The following SUMF1 variants were observed in gnomAD, a reference collection of about 807,000 sequenced individuals.
The protein encoded by SUMF1 is sulfatase modifying factor 1, also known as formylglycine-generating enzyme.
In SUMF1, 48 loss-of-function variants were observed where a neutral mutation model predicts 47.6. That is an observed-to-expected ratio of 1.01 (90% CI 0.80 to 1.28). SUMF1 has a LOEUF of 1.28. Ranked by LOEUF, SUMF1 falls within the 50% of genes most tolerant of loss-of-function variation. The pLI is 0.00. For synonymous variants in SUMF1, 230 were observed against 192.1 expected (o/e 1.20, Z -1.63); for missense variants, 571 against 485.4 (o/e 1.18, Z -1.66).
chr3:4,221,896 A>G (rs1696072527), intron 8 of SUMF1, among the ~76,000 whole-genome samples: 1 of 152,116 alleles, frequency 6.6e-6, no homozygotes, highest in African/African-American at 2.4e-5. Context: ...GCTGGGGGGT[A>G]GAATTGTGAT....
intron 8 of SUMF1, among the ~76,000 whole-genome samples, chr3:4,370,496 T>G (rs563369325): frequency 6.6e-6 from 1 of 152,294 alleles, no homozygotes; most frequent in East Asian, 1.9e-4. Context: ...TTAAATTATA[T>G]CAGAAACTAT....
At chr3:4,369,158 G>A (rs996284608) in intron 8 of SUMF1, among the ~76,000 whole-genome samples, 12 of 151,826 alleles carry the variant, frequency 7.9e-5, no homozygotes, top group African/African-American at 2.9e-4. Flanking sequence ...CACTTCTACT[G>A]TAAAAATAAA....
At chr3:4,388,856 G>A (rs1204081750) in intron 7 of SUMF1, among the ~76,000 whole-genome samples, 1 of 152,016 alleles carries the variant, frequency 6.6e-6, no homozygotes, top group Non-Finnish European at 1.5e-5. Flanking sequence ...TTCCAGTGAA[G>A]CATCAAAACC....
chr3:4,254,036 A>T (rs1696881406), intron 8 of SUMF1, among the ~76,000 whole-genome samples: 1 of 151,124 alleles, frequency 6.6e-6, no homozygotes, highest in African/African-American at 2.4e-5. Flanking sequence ...ATTCCAACAG[A>T]CCTGCAGCTG....
intron 8 of SUMF1, among the ~76,000 whole-genome samples, chr3:4,369,597 G>T (rs531968923): frequency 1.3e-5 from 2 of 152,168 alleles, no homozygotes; most frequent in Non-Finnish European, 2.9e-5. Context: ...AAACGTACAC[G>T]CTTTTTTAGA....
At chr3:4,350,219 TCAC>T (rs1699465017) in intron 8 of SUMF1, among the ~76,000 whole-genome samples, 2 of 151,964 alleles carry the variant, frequency 1.3e-5, no homozygotes, top group African/African-American at 4.8e-5. Flanking sequence ...GTATATAAAA[TCAC>T]CATGTTGTTC....
Position 4,253,312 on chromosome 3 carries a change from G to A in SUMF1, c.1014+123018C>T, listed in dbSNP as rs546402199. On this transcript the variant is annotated intron_variant and NMD_transcript_variant, in intron 8 of 12. Transcript: ENST00000448413. The stretch of plus-strand genomic sequence containing the variant: ...GTCTACAGCTCCCAGCGTGAGTGAC[G>A]CAGAAGACAGGTGATTTCTGCATTT... Among the ~76,000 whole-genome samples, 214 of 152,328 alleles carry A rather than the reference G, an allele frequency of 1.4e-3. 1 individual carries two copies. Among genetic ancestry groups the A allele is most frequent in the African/African-American group, 4.7e-3 (196 of 41,574 alleles).
intron 8 of SUMF1, among the ~76,000 whole-genome samples, chr3:4,244,566 G>T (rs1218276464): frequency 6.6e-6 from 1 of 152,192 alleles, no homozygotes; most frequent in Non-Finnish European, 1.5e-5. Context: ...TTTTCTTTAA[G>T]AATATTGAAT....
chr3:4,316,802 G>T (rs1459912115), intron 8 of SUMF1: 8 of 1,550,618 alleles, frequency 5.2e-6, no homozygotes, highest in East Asian at 2.4e-5. Context: ...CTATTTGGTG[G>T]TCTGCTGCTG....
At chr3:4,166,947 A>G (rs768876818) in intron 8 of SUMF1, among the ~76,000 whole-genome samples, 4 of 152,124 alleles carry the variant, frequency 2.6e-5, no homozygotes, top group African/African-American at 4.8e-5. Flanking sequence ...CGGCTGCACT[A>G]GTCACTTTTA....
At chr3:4,395,670 T>C (rs1194933049) in intron 7 of SUMF1, among the ~76,000 whole-genome samples, 1 of 152,200 alleles carries the variant, frequency 6.6e-6, no homozygotes, top group Non-Finnish European at 1.5e-5. Flanking sequence ...AGTCATTTCC[T>C]CCATGCTACT....
intron 9 of SUMF1, among the ~76,000 whole-genome samples, chr3:4,064,110 C>T (rs1268856511): frequency 6.6e-6 from 1 of 151,982 alleles, no homozygotes; most frequent in African/African-American, 2.4e-5. Context: ...AAGGCTGAGA[C>T]CTACTGAGCC....
At chr3:4,236,474 C>A (rs528575380) in intron 8 of SUMF1, among the ~76,000 whole-genome samples, 1 of 152,124 alleles carries the variant, frequency 6.6e-6, no homozygotes, top group African/African-American at 2.4e-5. Flanking sequence ...TAGACTTTAG[C>A]CAGGCTCGCA....
intron 8 of SUMF1, among the ~76,000 whole-genome samples, chr3:4,190,735 T>C (rs1435040555): frequency 6.6e-6 from 1 of 152,162 alleles, no homozygotes; most frequent in Admixed American, 6.5e-5. Flanking sequence ...GAATTTTTAC[T>C]GACTTTCATA....
At chr3:4,366,212 G>A (rs1488788698) in intron 8 of SUMF1, among the ~76,000 whole-genome samples, 2 of 151,688 alleles carry the variant, frequency 1.3e-5, no homozygotes, top group Non-Finnish European at 2.9e-5. Flanking sequence ...TGCTCTTCTC[G>A]AGGAGTATCT....
intron 8 of SUMF1, among the ~76,000 whole-genome samples, chr3:4,179,707 C>G (rs895716181): frequency 6.6e-6 from 1 of 152,080 alleles, no homozygotes; most frequent in African/African-American, 2.4e-5. Context: ...TCTAATTAAA[C>G]TAAAGAGCTT....
intron 8 of SUMF1, among the ~76,000 whole-genome samples, chr3:4,356,063 G>A (rs916808547): frequency 6.6e-6 from 1 of 152,132 alleles, no homozygotes. Flanking sequence ...TGCTCTAATG[G>A]TCTAAACACA....
intron 8 of SUMF1, chr3:4,316,704 C>G: frequency 6.4e-7 from 1 of 1,550,938 alleles, no homozygotes; most frequent in South Asian, 1.2e-5. Context: ...ATATGACAAC[C>G]GGCGACGATC....
intron 8 of SUMF1, among the ~76,000 whole-genome samples, chr3:4,153,023 G>A (rs1333410313): frequency 6.6e-6 from 1 of 151,526 alleles, no homozygotes; most frequent in Non-Finnish European, 1.5e-5. Context: ...CCTAAACCAA[G>A]CCCTATTCTT....
Sources: gnomAD v4.1 joint callset for allele counts (sites outside exome capture counted in the v4.1 genomes callset) on GRCh38, gnomAD v4.1.1 for gene constraint, MANE v1.5 for transcripts, NCBI Gene and HGNC (gene_info 2026-07-23, HGNC 2026-07-21) for gene names.